C4orf36: variants seen among roughly 807,000 people sequenced by gnomAD.
C4orf36 encodes chromosome 4 open reading frame 36.
A neutral mutation model predicts 12.2 loss-of-function variants in C4orf36; 11 were observed. The observed-to-expected ratio is 0.90, with a 90% CI of 0.57 to 1.49. C4orf36 has a LOEUF of 1.49. Among genes scored for constraint, C4orf36 ranks in the 40% most tolerant of loss-of-function variants. The probability of loss-of-function intolerance (pLI) is 0.00; values close to 1 mark genes in which losing one functional copy is unlikely to be tolerated. For synonymous variants in C4orf36, 54 were observed against 51.3 expected, an observed-to-expected ratio of 1.05 and a Z score of -0.22; for missense variants, 137 against 133.9, an observed-to-expected ratio of 1.02 and a Z score of -0.11.
chr4:86,893,281 G>C (rs948506475), upstream of C4orf36, among the ~76,000 whole-genome samples: 8 of 152,160 alleles, frequency 5.3e-5, no homozygotes, highest in African/African-American at 1.7e-4. Context: ...GATAAACACA[G>C]ATGGGCCAGG....
At chr4:86,908,826 A>G in the C4orf36 span, among the ~76,000 whole-genome samples, 1 of 152,152 alleles carries the variant, frequency 6.6e-6, no homozygotes, top group Non-Finnish European at 1.5e-5. Context: ...CGGAAGATCA[A>G]AGAAAAGTCA....
the C4orf36 span, among the ~76,000 whole-genome samples, chr4:86,923,504 G>A: frequency 1.3e-5 from 2 of 150,688 alleles, no homozygotes; most frequent in African/African-American, 2.4e-5. Flanking sequence ...ATGCCTGTAA[G>A]CCCAGCACTT....
chr4:86,892,295 G>T lies in C4orf36; in HGVS notation c.-186C>A, dbSNP rs901208647. 2.0e-6 allele frequency: 2 copies of T among 985,646 alleles called. No homozygotes were observed. Among genetic ancestry groups the T allele is most frequent in the Non-Finnish European group, 2.4e-6 (2 of 830,204 alleles). 61.1% of individuals were successfully genotyped at this position (985,646 alleles called of 1,614,324 possible). A position where few individuals can be genotyped will look rare whatever the true frequency, so the allele number is the denominator to read the frequency against. ...CGGCCTGGTTACCCGGGCTCCAGGG[G>T]CTCGGAGGGTCGCGGCCGGGGTACT... On this transcript the variant is annotated 5_prime_UTR_variant, in exon 1 of 5. Transcript: ENST00000295898.
intron 4 of C4orf36, among the ~76,000 whole-genome samples, chr4:86,881,986 T>G (rs1014647579): frequency 1.3e-5 from 2 of 152,152 alleles, no homozygotes; most frequent in Admixed American, 6.5e-5. Flanking sequence ...CCCTGAAAAT[T>G]TTCAATCAAT....
the C4orf36 span, among the ~76,000 whole-genome samples, chr4:86,915,811 GAA>G: frequency 5.9e-5 from 9 of 152,230 alleles, no homozygotes; most frequent in African/African-American, 2.2e-4. Flanking sequence ...AAATAAAAAA[GAA>G]GAGGGAAATT....
chr4:86,904,580 C>CAAAA, the C4orf36 span, among the ~76,000 whole-genome samples: 30 of 70,458 alleles, frequency 4.3e-4, no homozygotes, highest in African/African-American at 1.5e-3. Flanking sequence ...GACTCTGTCT[C>CAAAA]AAAAAAAAAA....
chr4:86,883,904 C>T (rs932720617), intron 4 of C4orf36, among the ~76,000 whole-genome samples: 2 of 152,016 alleles, frequency 1.3e-5, no homozygotes, highest in African/African-American at 4.8e-5. Flanking sequence ...TGGTGCATGC[C>T]TGTAGTCCCA....
chr4:86,927,448 T>C, the C4orf36 span, among the ~76,000 whole-genome samples: 139 of 152,186 alleles, frequency 9.1e-4, 1 homozygote, highest in Middle Eastern at 6.8e-3. Flanking sequence ...CAAGGGCAGC[T>C]TTCCAGTAGA....
At chr4:86,916,404 T>C in the C4orf36 span, among the ~76,000 whole-genome samples, 1 of 148,668 alleles carries the variant, frequency 6.7e-6, no homozygotes, top group East Asian at 2.0e-4. Flanking sequence ...GGACACTTAA[T>C]GTTTACTCAA....
the C4orf36 span, among the ~76,000 whole-genome samples, chr4:86,915,197 CT>C: frequency 3.9e-5 from 6 of 152,142 alleles, no homozygotes; most frequent in African/African-American, 1.2e-4. Context: ...AGCTGCCCCC[CT>C]GTATAAGCAC....
upstream of C4orf36, among the ~76,000 whole-genome samples, chr4:86,892,892 C>A (rs929140689): frequency 6.6e-6 from 1 of 152,152 alleles, no homozygotes; most frequent in African/African-American, 2.4e-5. Context: ...CAGATGGCCA[C>A]CCCTTACGGT....
the C4orf36 span, among the ~76,000 whole-genome samples, chr4:86,901,094 C>T: frequency 4.0e-5 from 6 of 151,560 alleles, no homozygotes; most frequent in Admixed American, 3.3e-4. Flanking sequence ...AAGTGATTCT[C>T]GCGCTTCAGC....
the C4orf36 span, among the ~76,000 whole-genome samples, chr4:86,928,879 CTTCT>C: frequency 3.9e-5 from 6 of 152,116 alleles, no homozygotes; most frequent in East Asian, 9.7e-4. Context: ...CTTTTCTTTT[CTTCT>C]TTCAAAAATT....
chr4:86,892,302 G>A lies in C4orf36; in HGVS notation c.-193C>T. 2 of 985,742 alleles carry A rather than the reference G, an allele frequency of 2.0e-6. No homozygotes were observed. The highest frequency in any genetic ancestry group is 2.4e-6 in the Non-Finnish European group (2 of 830,190). 61.1% of individuals were successfully genotyped at this position (985,742 alleles called of 1,614,324 possible). A position where few individuals can be genotyped will look rare whatever the true frequency, so the allele number is the denominator to read the frequency against. ...GTTACCCGGGCTCCAGGGGCTCGGA[G>A]GGTCGCGGCCGGGGTACTGAGGTAA... On this transcript the variant is annotated 5_prime_UTR_variant, in exon 1 of 5. Transcript: ENST00000295898.
chr4:86,917,417 G>C, the C4orf36 span, among the ~76,000 whole-genome samples: 1 of 144,444 alleles, frequency 6.9e-6, no homozygotes, highest in Non-Finnish European at 1.5e-5. Flanking sequence ...GAGAGGAAGA[G>C]AGAGAGAAAG....
the C4orf36 span, among the ~76,000 whole-genome samples, chr4:86,932,071 G>T: frequency 6.6e-6 from 1 of 150,566 alleles, no homozygotes. Context: ...TTTATTCCGG[G>T]CGTGGTGGCT....
the C4orf36 span, among the ~76,000 whole-genome samples, chr4:86,930,419 T>C: frequency 4.6e-5 from 7 of 152,274 alleles, no homozygotes; most frequent in African/African-American, 1.7e-4. Flanking sequence ...TACTATTTAA[T>C]TGGTTATGTA....
chr4:86,902,418 CAAAAAAAAA>C, the C4orf36 span, among the ~76,000 whole-genome samples: 90 of 58,962 alleles, frequency 1.5e-3, no homozygotes, highest in African/African-American at 6.6e-3. Flanking sequence ...ATGAGACTCT[CAAAAAAAAA>C]AAAAAAAAAA....
chr4:86,919,250 A>G, the C4orf36 span, among the ~76,000 whole-genome samples: 6 of 149,676 alleles, frequency 4.0e-5, no homozygotes, highest in East Asian at 2.0e-4. Context: ...TCTTGAACAC[A>G]CTTTTTCATT....
Sources: gnomAD v4.1 joint callset for allele counts (sites outside exome capture counted in the v4.1 genomes callset) on GRCh38, gnomAD v4.1.1 for gene constraint, MANE v1.5 for transcripts, NCBI Gene and HGNC (gene_info 2026-07-23, HGNC 2026-07-21) for gene names.